CTIF: variants seen among roughly 807,000 people sequenced by gnomAD.
The protein encoded by CTIF is cap binding complex dependent translation initiation factor.
A neutral mutation model predicts 66.0 loss-of-function variants in CTIF; 21 were observed. The observed-to-expected ratio is 0.32, with a 90% CI of 0.23 to 0.46. CTIF has a LOEUF of 0.46. Among genes scored for constraint, CTIF ranks in the 20% least tolerant of loss-of-function variants. The pLI, the probability that CTIF is intolerant of heterozygous loss-of-function variation, is 1.00. For synonymous variants in CTIF, 345 were observed against 326.4 expected (o/e 1.06, Z -0.62); for missense variants, 739 against 812.7 (o/e 0.91, Z 1.10).
intron 6 of CTIF, among the ~76,000 whole-genome samples, chr18:48,693,176 T>G (rs2145290514): frequency 6.6e-6 from 1 of 152,328 alleles, no homozygotes; most frequent in Admixed American, 6.5e-5. Context: ...TGGTGAAATC[T>G]ACCCGGTGCC....
chr18:48,731,546 C>T (rs1424907736), intron 7 of CTIF, among the ~76,000 whole-genome samples: 2 of 152,170 alleles, frequency 1.3e-5, no homozygotes, highest in Non-Finnish European at 2.9e-5. Context: ...CAGTGGCCAC[C>T]TAACTCAGCT....
At chr18:48,805,731 C>G (rs2068133124) in intron 9 of CTIF, among the ~76,000 whole-genome samples, 1 of 152,192 alleles carries the variant, frequency 6.6e-6, no homozygotes, top group Admixed American at 6.5e-5. Flanking sequence ...AAGAAAATAT[C>G]AGGAGTGAAC....
intron 5 of CTIF, among the ~76,000 whole-genome samples, chr18:48,668,334 C>T (rs1214954628): frequency 1.3e-5 from 2 of 152,196 alleles, no homozygotes; most frequent in Admixed American, 1.3e-4. Flanking sequence ...AAGCCAAGTC[C>T]CCAGTGCCCT....
At chr18:48,686,972 T>C (rs1031473784) in intron 6 of CTIF, among the ~76,000 whole-genome samples, 1 of 152,202 alleles carries the variant, frequency 6.6e-6, no homozygotes, top group African/African-American at 2.4e-5. Flanking sequence ...TTACAAGTTT[T>C]TGTATTCATG....
chr18:48,741,580 G>A (rs1393234800), intron 7 of CTIF, among the ~76,000 whole-genome samples: 11 of 152,006 alleles, frequency 7.2e-5, no homozygotes, highest in Admixed American at 6.6e-4. Context: ...ATACCACCAT[G>A]CCTGGCTAAT....
intron 10 of CTIF, among the ~76,000 whole-genome samples, chr18:48,838,758 G>A (rs2068869652): frequency 6.6e-6 from 1 of 152,178 alleles, no homozygotes; most frequent in Admixed American, 6.5e-5. Flanking sequence ...AGAAGTTGAG[G>A]GATTTGCCAA....
intron 1 of CTIF, among the ~76,000 whole-genome samples, chr18:48,614,345 C>G (rs2090359823): frequency 6.6e-6 from 1 of 152,186 alleles, no homozygotes; most frequent in Non-Finnish European, 1.5e-5. Flanking sequence ...TGTGTTGGAA[C>G]TTTTCTAGGT....
At chr18:48,643,438 C>T (rs2090969796) in intron 3 of CTIF, among the ~76,000 whole-genome samples, 1 of 152,190 alleles carries the variant, frequency 6.6e-6, no homozygotes, top group Non-Finnish European at 1.5e-5. Context: ...TCTAGACTCT[C>T]CCTGGCCTGT....
chr18:48,683,317 C>A (rs2091778835), intron 6 of CTIF, among the ~76,000 whole-genome samples: 1 of 151,128 alleles, frequency 6.6e-6, no homozygotes, highest in Admixed American at 6.6e-5. Flanking sequence ...ATTTTGGACT[C>A]CAGGAACCCC....
chr18:48,702,634 T>C (rs891779603), intron 6 of CTIF, among the ~76,000 whole-genome samples: 1 of 152,198 alleles, frequency 6.6e-6, no homozygotes, highest in African/African-American at 2.4e-5. Context: ...ACTTTTATTG[T>C]CTATGATTTT....
intron 1 of CTIF, among the ~76,000 whole-genome samples, chr18:48,611,365 G>A (rs2144295068): frequency 6.6e-6 from 1 of 152,368 alleles, no homozygotes; most frequent in African/African-American, 2.4e-5. Flanking sequence ...ATAACCTGTG[G>A]AGGTCATGCC....
intron 6 of CTIF, among the ~76,000 whole-genome samples, chr18:48,709,571 C>T (rs1431091848): frequency 2.6e-5 from 4 of 152,216 alleles, no homozygotes; most frequent in Non-Finnish European, 5.9e-5. Context: ...TCCCTGCCGC[C>T]GCCGGTAGGG....
chr18:48,703,753 G>A (rs1021976111), intron 6 of CTIF, among the ~76,000 whole-genome samples: 19 of 152,152 alleles, frequency 1.2e-4, no homozygotes, highest in African/African-American at 4.3e-4. Context: ...AGCAGCCCGG[G>A]GACTCCCCCT....
intron 6 of CTIF, among the ~76,000 whole-genome samples, chr18:48,689,347 C>T (rs1317480604): frequency 6.6e-6 from 1 of 152,114 alleles, no homozygotes; most frequent in Non-Finnish European, 1.5e-5. Context: ...ACAGAGTGGC[C>T]GAGTCACCTC....
intron 1 of CTIF, among the ~76,000 whole-genome samples, chr18:48,568,554 A>G (rs1011346260): frequency 1.4e-5 from 2 of 147,688 alleles, no homozygotes; most frequent in Admixed American, 6.9e-5. Flanking sequence ...TGGATGTCCA[A>G]GATCAAGGTG....
intron 6 of CTIF, among the ~76,000 whole-genome samples, chr18:48,697,262 A>G (rs935076996): frequency 6.6e-6 from 1 of 152,250 alleles, no homozygotes; most frequent in African/African-American, 2.4e-5. Context: ...ACAGAAGTGA[A>G]GGAAGCATGG....
At chr18:48,800,144 G>A (rs1568229998) in intron 9 of CTIF, among the ~76,000 whole-genome samples, 1 of 152,174 alleles carries the variant, frequency 6.6e-6, no homozygotes, top group Non-Finnish European at 1.5e-5. Context: ...GGGCACCTTG[G>A]TATGCATGGT....
intron 10 of CTIF, among the ~76,000 whole-genome samples, chr18:48,829,884 A>G (rs1477524340): frequency 1.3e-5 from 2 of 152,218 alleles, no homozygotes; most frequent in Non-Finnish European, 2.9e-5. Context: ...GATGTGAATG[A>G]TGTTTAGGGA....
At chr18:48,584,229 G>T (rs1373751884) in intron 1 of CTIF, among the ~76,000 whole-genome samples, 1 of 152,172 alleles carries the variant, frequency 6.6e-6, no homozygotes, top group African/African-American at 2.4e-5. Context: ...CACCCTTTGA[G>T]ATTTATGGTC....
Sources: allele counts gnomAD v4.1 joint callset (sites outside exome capture counted in the v4.1 genomes callset), GRCh38; gene constraint gnomAD v4.1.1; transcripts MANE v1.5; gene names NCBI Gene and HGNC (gene_info 2026-07-23, HGNC 2026-07-21).